The following HYCC1 variants were observed in gnomAD, a reference collection of about 807,000 sequenced individuals.
HYCC1 encodes the protein hyccin.
the HYCC1 span, among the ~76,000 whole-genome samples, chr7:22,918,992 C>G: frequency 6.6e-6 from 1 of 152,086 alleles, no homozygotes; most frequent in Non-Finnish European, 1.5e-5. Flanking sequence ...AAGCCAATAA[C>G]AAAAACAAGT....
At chr7:23,000,069 C>G in the HYCC1 span, among the ~76,000 whole-genome samples, 2 of 151,662 alleles carry the variant, frequency 1.3e-5, no homozygotes, top group African/African-American at 4.8e-5. Context: ...GGGAGAAAAC[C>G]GATCTCCCAT....
At chr7:22,991,534 T>C in the HYCC1 span, among the ~76,000 whole-genome samples, 1 of 152,126 alleles carries the variant, frequency 6.6e-6, no homozygotes, top group Admixed American at 6.5e-5. Context: ...ATAGAAAGCA[T>C]TAAAGTAATT....
the HYCC1 span, among the ~76,000 whole-genome samples, chr7:22,924,540 G>A: frequency 1.2e-4 from 19 of 152,308 alleles, no homozygotes; most frequent in African/African-American, 3.4e-4. Context: ...ATTATATCCC[G>A]CACATGGCTC....
the HYCC1 span, chr7:22,961,164 G>GTTCT: frequency 3.3e-6 from 3 of 914,086 alleles, no homozygotes; most frequent in African/African-American, 3.3e-5. Context: ...ACTATGAATG[G>GTTCT]CTCTCAATTT....
the HYCC1 span, among the ~76,000 whole-genome samples, chr7:22,997,579 A>T: frequency 6.6e-6 from 1 of 152,254 alleles, no homozygotes; most frequent in East Asian, 1.9e-4. Context: ...ATTATGTTAC[A>T]GAATAAAATT....
the HYCC1 span, among the ~76,000 whole-genome samples, chr7:22,963,643 G>A: frequency 3.3e-5 from 5 of 152,088 alleles, no homozygotes; most frequent in Non-Finnish European, 5.9e-5. Flanking sequence ...TAGGCTTGTG[G>A]GCCGTACAGT....
the HYCC1 span, among the ~76,000 whole-genome samples, chr7:23,007,520 A>C: frequency 2.7e-3 from 415 of 152,284 alleles, 1 homozygote; most frequent in South Asian, 6.0e-3. Flanking sequence ...AAAAAGACCT[A>C]GACATTTTTA....
chr7:23,010,629 TTAAATA>T, the HYCC1 span, among the ~76,000 whole-genome samples: 2 of 152,184 alleles, frequency 1.3e-5, no homozygotes, highest in African/African-American at 4.8e-5. Context: ...ATTGTACACT[TTAAATA>T]TATGTAGTAT....
the HYCC1 span, among the ~76,000 whole-genome samples, chr7:23,003,371 T>C: frequency 6.6e-6 from 1 of 151,798 alleles, no homozygotes; most frequent in African/African-American, 2.4e-5. Context: ...ACAGCAGAAA[T>C]GAGTGTGCCT....
the HYCC1 span, among the ~76,000 whole-genome samples, chr7:23,009,319 A>G: frequency 6.6e-6 from 1 of 152,312 alleles, no homozygotes; most frequent in East Asian, 1.9e-4. Context: ...TAAGGCTGTG[A>G]CAATAATAAT....
chr7:22,994,086 T>C, the HYCC1 span, among the ~76,000 whole-genome samples: 1 of 152,062 alleles, frequency 6.6e-6, no homozygotes, highest in South Asian at 2.1e-4. Flanking sequence ...GCTCAAGGGG[T>C]CCTCCCACCT....
At chr7:22,900,597 C>T in the HYCC1 span, among the ~76,000 whole-genome samples, 1 of 151,858 alleles carries the variant, frequency 6.6e-6, no homozygotes, top group Admixed American at 6.6e-5. Context: ...ATTCTTAGAG[C>T]AATCATTAAA....
At chr7:22,912,464 T>C in the HYCC1 span, among the ~76,000 whole-genome samples, 8 of 152,220 alleles carry the variant, frequency 5.3e-5, no homozygotes, top group African/African-American at 1.9e-4. Context: ...GCCAGGAGAT[T>C]GGGAGCTCCC....
At chr7:22,914,103 C>T in the HYCC1 span, among the ~76,000 whole-genome samples, 18 of 152,356 alleles carry the variant, frequency 1.2e-4, no homozygotes, top group African/African-American at 4.1e-4. Flanking sequence ...ACCCAAAACT[C>T]CGTAGCTGGT....
the HYCC1 span, chr7:22,945,891 A>G: frequency 6.2e-7 from 1 of 1,613,786 alleles, no homozygotes; most frequent in Non-Finnish European, 8.5e-7. Flanking sequence ...CTCTTCAAAG[A>G]GAGAAGCTCA....
chr7:22,933,329 T>C, the HYCC1 span, among the ~76,000 whole-genome samples: 15 of 152,202 alleles, frequency 9.9e-5, no homozygotes, highest in African/African-American at 3.4e-4. Context: ...TGTTAATTTT[T>C]GCTTCGTGTA....
chr7:22,905,397 T>C, the HYCC1 span, among the ~76,000 whole-genome samples: 2 of 140,540 alleles, frequency 1.4e-5, no homozygotes, highest in Admixed American at 1.4e-4. Flanking sequence ...TTTTTTTTTT[T>C]TTTTTTTTTT....
chr7:22,915,885 T>TA, the HYCC1 span, among the ~76,000 whole-genome samples: 1 of 152,118 alleles, frequency 6.6e-6, no homozygotes, highest in South Asian at 2.1e-4. Context: ...ACTTTTTAAC[T>TA]AAATTATCTG....
the HYCC1 span, among the ~76,000 whole-genome samples, chr7:22,980,452 A>G: frequency 1.3e-5 from 2 of 152,108 alleles, no homozygotes; most frequent in African/African-American, 4.8e-5. Context: ...TTCTGAAACA[A>G]CTAAGCTGCA....
Sources: allele counts gnomAD v4.1 joint callset (sites outside exome capture counted in the v4.1 genomes callset), GRCh38; gene constraint gnomAD v4.1.1; transcripts MANE v1.5; gene names NCBI Gene and HGNC (gene_info 2026-07-23, HGNC 2026-07-21).